Variants in LMNTD2 observed in about 807,000 individuals in gnomAD.
LMNTD2 encodes the protein lamin tail domain-containing protein 2.
Under a neutral mutation model 70.1 loss-of-function variants are expected in LMNTD2, and 83 were observed. The ratio of observed to expected loss-of-function variants is 1.18; its 90% CI spans 0.99 to 1.42. LMNTD2 has a LOEUF of 1.42. LMNTD2 is among the 40% of genes most tolerant of loss of function. LMNTD2 has a pLI of 0.00. For missense variants in LMNTD2, 1,153 were observed against 905.9 expected (o/e 1.27, Z -3.50); for synonymous variants, 534 against 406.1 (o/e 1.31, Z -3.79).
Position 556,546 on chromosome 11 carries a change from AG to A in LMNTD2, c.1018del (p.Leu340CysfsTer23). On this transcript the variant is annotated frameshift_variant, in exon 9 of 14. Transcript: ENST00000329451. LOFTEE classifies it high-confidence loss of function. The part of the protein sequence containing the change: ...THSPRHGEPV[L>X]SPQPCTDPDH... The stretch of plus-strand genomic sequence containing the variant: ...CGGGTCTGTGCAGGGCTGGGGCGAC[AG>A]GACCGGCTCGCCGTGCCTGGGTGAG... 1 of 1,560,804 alleles carries A rather than the reference AG, an allele frequency of 6.4e-7. No homozygotes were observed. Among genetic ancestry groups the A allele is most frequent in the Non-Finnish European group, 8.7e-7 (1 of 1,153,462 alleles).
At chr11:557,524 C>T (rs1313084487) in intron 6 of LMNTD2, 37 bp from the exon 7 acceptor site, 1 of 1,613,448 alleles carries the variant, frequency 6.2e-7, no homozygotes, top group Admixed American at 1.7e-5. Context: ...TCCTCCCCTC[C>T]CGCAGGGCTC....
In LMNTD2 at chr11:555,307, G is replaced by T; in HGVS notation, c.1771C>A (p.Arg591=). The change falls in exon 13 of 14, where the codon CGG becomes AGG. Residue 591 remains arginine, a splice_region_variant and synonymous_variant. Coordinates refer to ENST00000329451, the MANE Select transcript of LMNTD2 (RefSeq NM_173573.3). The stretch of plus-strand genomic sequence containing the variant: ...CGCACCCGCAAGCGCGCACTCACCC[G>T]AACTCGGTGTTCTTTCTGGAGCCGA... The part of the protein sequence containing the change: ...DCRLQKEHRV[R]VCRKSVDRSC... 1 of 1,415,896 alleles carries T rather than the reference G, an allele frequency of 7.1e-7. No individual in the cohort carries two copies. 87.7% of individuals were successfully genotyped at this position (1,415,896 alleles called of 1,614,324 possible).
rs774735126 is a variant in LMNTD2, at chr11:556,859, C to T, written c.952G>A (p.Gly318Ser). The change falls in exon 8 of 14, where the codon GGC (glycine) becomes AGC (serine). Residue 318 changes from glycine to serine, a missense_variant. Gly to Ser is a moderately conservative substitution (Grantham distance 56, BLOSUM62 0). Coordinates refer to ENST00000329451, the MANE Select transcript of LMNTD2 (RefSeq NM_173573.3). ...CCTTCTGAGTCCCTGCTGTAGCTGCCGGCCTGCACCAGCGCTTGCTCGGAG... is the reference window on the plus strand; with the variant it reads ...CCTTCTGAGTCCCTGCTGTAGCTGCTGGCCTGCACCAGCGCTTGCTCGGAG... ...ASSEQALVQA[G>S]SYSRDSEDLQ... 22 of 1,583,976 alleles carry T rather than the reference C, an allele frequency of 1.4e-5. No individual in the cohort carries two copies. In the East Asian group the frequency reaches 3.2e-4, roughly 23 times the overall value.
intron 1 of LMNTD2, 99 bp downstream of exon 1, chr11:560,584 G>A (rs1229308330): frequency 7.0e-6 from 9 of 1,293,348 alleles, no homozygotes; most frequent in Non-Finnish European, 8.9e-6. Flanking sequence ...CGCAGGCGGG[G>A]GTTGCGGGAT....
intron 12 of LMNTD2, 25 bp from the exon 13 acceptor site, chr11:555,528 C>T (rs1852791778): frequency 3.0e-6 from 4 of 1,337,298 alleles, no homozygotes; most frequent in East Asian, 3.0e-5. Flanking sequence ...GTCGTGAGGG[C>T]GGCGGCCGGC....
Position 557,952 on chromosome 11 carries a change from A to C in LMNTD2, c.487T>G (p.Cys163Gly), listed in dbSNP as rs1425493625. ...GAGGAGCGGGCCAGCTGCAGGAGGC[A>C]GGACTTCTGCAAGTTCTGCAGCTCG... ...EAELQNLQKS[C>G]LLQLARSSWV... is the part of the protein sequence containing the mutation. Residue 163 changes from cysteine (C) to glycine (G), a missense_variant, in exon 5 of 14, where the codon TGC becomes GGC. Coordinates refer to ENST00000329451, the MANE Select transcript of LMNTD2 (RefSeq NM_173573.3). 1.3e-6 allele frequency: 2 copies of C among 1,599,618 alleles called. No individual in the cohort carries two copies. The highest frequency in any genetic ancestry group is 2.2e-5 in the South Asian group (2 of 89,228).
In LMNTD2 at chr11:555,935, G is replaced by A; in HGVS notation, c.1378-5C>T. The A allele has an allele frequency of 6.4e-7, 1 of 1,557,614 alleles. No homozygotes were observed. On this transcript the variant is annotated splice_polypyrimidine_tract_variant and splice_region_variant and intron_variant, in intron 11 of 13. Coordinates refer to ENST00000329451, the MANE Select transcript of LMNTD2 (RefSeq NM_173573.3). ...GATCCGGTGCTCACTGAGGACCTGC[G>A]GGGCGCGTCGGTCACCCCCACACCC...
Position 556,979 on chromosome 11 carries a change from A to T in LMNTD2, c.832T>A (p.Ser278Thr). The T allele has an allele frequency of 6.2e-7, 1 of 1,607,302 alleles. No homozygotes were observed. The highest frequency in any genetic ancestry group is 8.5e-7 in the Non-Finnish European group (1 of 1,179,080). ...GSLPCLNTSS[S>T]GGADSDSSSC... Reference sequence around the variant, plus strand: ...CTGGAGTCGGAGTCAGCGCCCCCTGAGCTGCTGGTGTTCAGACAGGGCAGG... The same window carrying T: ...CTGGAGTCGGAGTCAGCGCCCCCTGTGCTGCTGGTGTTCAGACAGGGCAGG... Residue 278 changes from serine (S) to threonine (T), a missense_variant, in exon 8 of 14, where the codon TCA becomes ACA. Physicochemically the swap from Ser to Thr is moderately conservative, Grantham distance 58. Transcript: ENST00000329451.
rs138662694 is a variant in LMNTD2, at chr11:557,613, G to A, written c.583C>T (p.Pro195Ser). 1.8e-4 allele frequency: 296 copies of A among 1,613,130 alleles called. No individual in the cohort carries two copies. Among genetic ancestry groups the A allele is most frequent in the Non-Finnish European group, 2.4e-4 (280 of 1,179,864 alleles). ...EVVTAETLMD[P>S]SDLSENIQAP... ...TGAATGTTTTCAGAGAGGTCGCTTG[G>A]GTCCATCAGAGTCTCTGCCGTCACT... is the stretch of plus-strand genomic sequence containing the variant. Residue 195 changes from proline (P) to serine (S), a missense_variant, in exon 6 of 14, where the codon CCA becomes TCA. Transcript: ENST00000329451.
At chr11:555,614 G>A (rs1193497796) in intron 12 of LMNTD2, 111 bp from the exon 13 acceptor site, 12 of 1,259,046 alleles carry the variant, frequency 9.5e-6, no homozygotes, top group Admixed American at 8.3e-5. Flanking sequence ...GGACCAGGGG[G>A]CGGCCGGGGC....
intron 13 of LMNTD2, 65 bp downstream of exon 13, chr11:555,240 G>T: frequency 1.7e-6 from 2 of 1,163,940 alleles, no homozygotes; most frequent in Non-Finnish European, 2.2e-6. Flanking sequence ...GGAGGGAGGG[G>T]CGGGAGAGGA....
In LMNTD2 at chr11:555,939, C is replaced by T. The variant is rs779289251; in HGVS notation, c.1378-9G>A. On this transcript the variant is annotated splice_polypyrimidine_tract_variant and intron_variant, in intron 11 of 13. Coordinates refer to ENST00000329451, the MANE Select transcript of LMNTD2 (RefSeq NM_173573.3). Reference sequence around the variant, plus strand: ...CGGTGCTCACTGAGGACCTGCGGGGCGCGTCGGTCACCCCCACACCCCAGC... The same window carrying T: ...CGGTGCTCACTGAGGACCTGCGGGGTGCGTCGGTCACCCCCACACCCCAGC... 1 of 1,556,334 alleles carries T rather than the reference C, an allele frequency of 6.4e-7. No homozygotes were observed. Among genetic ancestry groups the T allele is most frequent in the South Asian group, 1.2e-5 (1 of 85,976 alleles).
rs767294419 is a variant in LMNTD2, at chr11:560,674, G to A, written c.34+9C>T. The A allele has an allele frequency of 7.0e-7, 1 of 1,433,866 alleles. No individual in the cohort carries two copies. The highest frequency in any genetic ancestry group is 2.8e-5 in the Admixed American group (1 of 36,070). The allele number at this position is 1,433,866 out of a possible 1,614,324, so 88.8% of individuals were successfully genotyped here. A position where few individuals can be genotyped will look rare whatever the true frequency, so the allele number is the denominator to read the frequency against. The stretch of plus-strand genomic sequence containing the variant: ...GGAAGTCGGCCCAGGAGCGGGGCCA[G>A]ACACCTACCCCGACGCCTGCCCGCG... On this transcript the variant is annotated intron_variant, in intron 1 of 13. Coordinates refer to ENST00000329451, the MANE Select transcript of LMNTD2 (RefSeq NM_173573.3).
In LMNTD2 at chr11:555,098, C is replaced by G; in HGVS notation, c.1787G>C (p.Ser596Thr). The G allele has an allele frequency of 6.6e-7, 1 of 1,517,766 alleles. No individual in the cohort carries two copies. The highest frequency in any genetic ancestry group is 8.8e-7 in the Non-Finnish European group (1 of 1,135,236). 94.0% of individuals were successfully genotyped at this position (1,517,766 alleles called of 1,614,324 possible). Residue 596 changes from serine to threonine, a missense_variant, in exon 14 of 14, where the codon AGC becomes ACC. Coordinates refer to ENST00000329451, the MANE Select transcript of LMNTD2 (RefSeq NM_173573.3). Reference sequence around the variant, plus strand: ...CACCAGGGGGCAGCTACGGTCCACGCTCTTCCGGCACACCTGGGGGGCGCG... The same window carrying G: ...CACCAGGGGGCAGCTACGGTCCACGGTCTTCCGGCACACCTGGGGGGCGCG... ...KEHRVRVCRK[S>T]VDRSCPLVAL...
chr11:560,622 G>T, intron 1 of LMNTD2, 61 bp downstream of exon 1: 1 of 1,328,048 alleles, frequency 7.5e-7, no homozygotes, highest in South Asian at 1.9e-5. Context: ...TCCTGGGCGG[G>T]AACCCGCCAC....
chr11:558,026 A>G lies in LMNTD2; in HGVS notation c.413T>C (p.Leu138Pro). The G allele has an allele frequency of 6.3e-7, 1 of 1,579,918 alleles. No individual in the cohort carries two copies. Among genetic ancestry groups the G allele is most frequent in the Non-Finnish European group, 8.6e-7 (1 of 1,160,912 alleles). The change falls in exon 5 of 14, where the codon CTG becomes CCG. Residue 138 changes from leucine (L) to proline (P), a missense_variant. Leu to Pro is a moderately conservative substitution (Grantham distance 98). Transcript: ENST00000329451. ...KERAQWEKEH[L>P]EERLLQTTRT... is the part of the protein sequence containing the mutation. ...GGTGGTCTGCAGCAGCCGCTCCTCC[A>G]GGTGCTCCTTCTCCTGCTCCGAGAG...
At chr11:560,209 G>A in intron 1 of LMNTD2, 1 of 756,278 alleles carries the variant, frequency 1.3e-6, no homozygotes, top group Non-Finnish European at 1.6e-6. Flanking sequence ...CTCTTTCTGA[G>A]CTGGGCAGAA....
In LMNTD2 at chr11:556,580, T is replaced by G; in HGVS notation, c.985A>C (p.Lys329Gln). ...TCGCCGTGCCTGGGTGAGTGGGTTT[T>G]CTGGAGATCTAGAGAGAGCAGCGCT... is the stretch of plus-strand genomic sequence containing the variant. The part of the protein sequence containing the change: ...SYSRDSEDLQ[K>Q]THSPRHGEPV... Residue 329 changes from lysine to glutamine, a missense_variant, in exon 9 of 14, where the codon AAA becomes CAA. Coordinates refer to ENST00000329451, the MANE Select transcript of LMNTD2 (RefSeq NM_173573.3). The G allele has an allele frequency of 1.3e-6, 2 of 1,542,766 alleles. No homozygotes were observed. Among genetic ancestry groups the G allele is most frequent in the South Asian group, 2.4e-5 (2 of 82,916 alleles).
chr11:556,437 C>G, intron 9 of LMNTD2, 55 bp downstream of exon 9: 1 of 1,546,562 alleles, frequency 6.5e-7, no homozygotes, highest in Non-Finnish European at 8.7e-7. Flanking sequence ...CTGCGCGCCC[C>G]GCCCGGAAAC....
Sources: gnomAD v4.1 joint callset for allele counts on GRCh38, gnomAD v4.1.1 for gene constraint, MANE v1.5 for transcripts, NCBI Gene and HGNC (gene_info 2026-07-23, HGNC 2026-07-21) for gene names.